Variants in ISM1 observed in about 807,000 individuals in gnomAD.
ISM1 encodes the protein isthmin 1.
In ISM1, 25 loss-of-function variants were observed where a neutral mutation model predicts 46.3. The ratio of observed to expected loss-of-function variants is 0.54; its 90% CI spans 0.39 to 0.75. The LOEUF (loss-of-function observed/expected upper bound fraction) is 0.75. Ranked by LOEUF, ISM1 falls within the 30% of genes least tolerant of loss-of-function variation. The pLI is 0.00. For synonymous variants in ISM1, 255 were observed against 256.7 expected (o/e 0.99, Z 0.06); for missense variants, 536 against 625.4 (o/e 0.86, Z 1.52).
chr20:13,288,124 TC>T (rs781734024), intron 3 of ISM1, among the ~76,000 whole-genome samples: 124 of 152,278 alleles, frequency 8.1e-4, no homozygotes, highest in Admixed American at 2.4e-3. Context: ...GGCCTTAAGG[TC>T]AAGGCCAGCC....
In ISM1 at chr20:13,270,683, T is replaced by G. The variant is rs908248987; in HGVS notation, c.318T>G (p.Asp106Glu). The G allele has an allele frequency of 1.9e-6, 3 of 1,613,942 alleles. No homozygotes were observed. The highest frequency in any genetic ancestry group is 1.7e-6 in the Non-Finnish European group (2 of 1,179,852). Residue 106 changes from aspartate to glutamate, a missense_variant, in exon 2 of 6, where the codon GAT (aspartate) becomes GAG (glutamate). Transcript: ENST00000262487. ...QRDFPRSFLLDLPNFPDLSKA... is the reference protein window; with the variant it reads ...QRDFPRSFLLELPNFPDLSKA... ...ATTTCCCCAGATCCTTTCTCCTTGA[T>G]CTACCAAACTTTCCAGATCTTTCCA...
rs2040217552 is a variant in ISM1 at position 13,279,744 on chromosome 20, G to A, written c.489G>A (p.Gln163=). ...CCCCCGACTGGCGGGCCTGGTGGCA[G>A]AGGTCCCTGTCCTTGGCCAGGGCAA... ...VPSPDWRAWW[Q]RSLSLARANS... Residue 163 remains glutamine, a synonymous_variant, in exon 3 of 6, where the codon CAG becomes CAA. Coordinates refer to ENST00000262487, the MANE Select transcript of ISM1 (RefSeq NM_080826.2). The A allele has an allele frequency of 1.9e-6, 3 of 1,614,026 alleles. No homozygotes were observed. The highest frequency in any genetic ancestry group is 1.3e-5 in the African/African-American group (1 of 75,056).
intron 2 of ISM1, among the ~76,000 whole-genome samples, chr20:13,275,319 C>T (rs1056060966): frequency 4.6e-5 from 7 of 152,158 alleles, no homozygotes; most frequent in Non-Finnish European, 1.0e-4. Flanking sequence ...TACAGTTGTA[C>T]GTGCTTCTAC....
chr20:13,299,503 C>T lies in ISM1; in HGVS notation c.*44C>T. 6.5e-7 allele frequency: 1 copy of T among 1,548,178 alleles called. No homozygotes were observed. Among genetic ancestry groups the T allele is most frequent in the Non-Finnish European group, 8.7e-7 (1 of 1,145,330 alleles). ...GAGGACGCTGCCTCTGGTTCTGGAG[C>T]ACACACGTGCTGCACTGACGTGCCG... is the stretch of plus-strand genomic sequence containing the variant. On this transcript the variant is annotated 3_prime_UTR_variant, in exon 6 of 6. Transcript: ENST00000262487. The surrounding 1 kb of genome is among the most constrained non-coding windows in gnomAD (Gnocchi z 5.8).
chr20:13,266,636 A>G (rs1429451493), intron 1 of ISM1, among the ~76,000 whole-genome samples: 2 of 152,298 alleles, frequency 1.3e-5, no homozygotes, highest in Middle Eastern at 3.4e-3. Flanking sequence ...ATTTTCCCAA[A>G]CTGAGCAGGC....
the ISM1 span, among the ~76,000 whole-genome samples, chr20:13,318,160 T>TAAATAAATAAATAAAA: frequency 2.9e-3 from 434 of 151,248 alleles, no homozygotes; most frequent in Non-Finnish European, 4.1e-3. Flanking sequence ...AATAAATAAA[T>TAAATAAATAAATAAAA]AAAAATGAGC....
At chr20:13,281,268 GC>G (rs2040235810) in intron 3 of ISM1, among the ~76,000 whole-genome samples, 2 of 152,152 alleles carry the variant, frequency 1.3e-5, no homozygotes, top group African/African-American at 4.8e-5. Flanking sequence ...GCAAAATAGT[GC>G]CATGGTAGAG....
chr20:13,315,104 G>A, the ISM1 span, among the ~76,000 whole-genome samples: 1 of 150,724 alleles, frequency 6.6e-6, no homozygotes, highest in Non-Finnish European at 1.5e-5. Flanking sequence ...ACCACGAAAG[G>A]CAGAAAAAGA....
intron 3 of ISM1, among the ~76,000 whole-genome samples, chr20:13,288,319 G>A (rs990394228): frequency 3.3e-5 from 5 of 152,174 alleles, no homozygotes; most frequent in Non-Finnish European, 7.4e-5. Flanking sequence ...TTCTAGGGAT[G>A]TACAGACCAC....
the ISM1 span, among the ~76,000 whole-genome samples, chr20:13,308,303 G>T: frequency 6.6e-6 from 1 of 152,164 alleles, no homozygotes; most frequent in East Asian, 1.9e-4. Flanking sequence ...ATGGTACCAT[G>T]GGACCAAATG....
chr20:13,283,084 A>C (rs1238263355), intron 3 of ISM1, among the ~76,000 whole-genome samples: 1 of 152,098 alleles, frequency 6.6e-6, no homozygotes, highest in Non-Finnish European at 1.5e-5. Flanking sequence ...CCTGTTGCCC[A>C]GGCTGGAGTG....
downstream of ISM1, among the ~76,000 whole-genome samples, chr20:13,301,535 A>C (rs2040458261): frequency 6.6e-6 from 1 of 152,196 alleles, no homozygotes; most frequent in South Asian, 2.1e-4. Flanking sequence ...GGTATTGCCC[A>C]TTCTCAGAAT....
intron 1 of ISM1, among the ~76,000 whole-genome samples, chr20:13,243,742 C>T (rs1427480743): frequency 2.0e-5 from 3 of 152,202 alleles, no homozygotes; most frequent in African/African-American, 7.2e-5. Context: ...CACCGTTAAG[C>T]ATCTGTTTGC....
At chr20:13,318,160 T>TAAATAAATAAAAAAAA in the ISM1 span, among the ~76,000 whole-genome samples, 2 of 151,148 alleles carry the variant, frequency 1.3e-5, no homozygotes, top group African/African-American at 4.9e-5. Context: ...AATAAATAAA[T>TAAATAAATAAAAAAAA]AAAAATGAGC....
At chr20:13,293,540 T>A (rs1238395888) in intron 5 of ISM1, among the ~76,000 whole-genome samples, 1 of 152,070 alleles carries the variant, frequency 6.6e-6, no homozygotes, top group Non-Finnish European at 1.5e-5. Context: ...TGGGAGCTAA[T>A]TTGGTGAACA....
intron 1 of ISM1, chr20:13,239,495 G>C (rs2039692006): frequency 6.6e-6 from 1 of 152,316 alleles, no homozygotes; most frequent in Non-Finnish European, 1.5e-5. Context: ...AATTATTGTG[G>C]TGTGCCCCAA....
chr20:13,266,544 T>C (rs1005898302), intron 1 of ISM1, among the ~76,000 whole-genome samples: 3 of 152,194 alleles, frequency 2.0e-5, no homozygotes, highest in Admixed American at 6.5e-5. Context: ...AACTCATAGA[T>C]AGTTAACTCA....
At chr20:13,234,331 A>G (rs1271221612) in intron 1 of ISM1, among the ~76,000 whole-genome samples, 1 of 152,114 alleles carries the variant, frequency 6.6e-6, no homozygotes, top group Non-Finnish European at 1.5e-5. Flanking sequence ...TCCATGGTAT[A>G]TTTCTTTACC....
intron 3 of ISM1, among the ~76,000 whole-genome samples, chr20:13,284,269 G>A (rs1384680502): frequency 6.6e-6 from 1 of 152,168 alleles, no homozygotes; most frequent in Non-Finnish European, 1.5e-5. Context: ...ACTATGACTG[G>A]CCCACAGGAC....
Sources: allele counts gnomAD v4.1 joint callset (sites outside exome capture counted in the v4.1 genomes callset), GRCh38; gene constraint gnomAD v4.1.1; non-coding constraint Gnocchi (gnomAD v3.1); transcripts MANE v1.5; gene names NCBI Gene and HGNC (gene_info 2026-07-23, HGNC 2026-07-21).